SDE2: variants seen among roughly 807,000 people sequenced by gnomAD.
The protein encoded by SDE2 is splicing regulator SDE2.
A neutral mutation model predicts 46.9 loss-of-function variants in SDE2; 31 were observed. The observed-to-expected ratio is 0.66, with a 90% CI of 0.50 to 0.89. SDE2 has a LOEUF of 0.89. SDE2 is among the 40% of genes least tolerant of loss of function. SDE2 has a pLI of 0.00. For missense variants in SDE2, 542 were observed against 564.4 expected (o/e 0.96, Z 0.40); for synonymous variants, 205 against 204.3 (o/e 1.00, Z -0.03).
chr1:225,988,227 C>CT lies in SDE2; in HGVS notation c.802dup (p.Arg268LysfsTer21). 6.2e-7 allele frequency: 1 copy of CT among 1,614,210 alleles called. No individual in the cohort carries two copies. Among genetic ancestry groups the CT allele is most frequent in the Non-Finnish European group, 8.5e-7 (1 of 1,180,036 alleles). ...ATGGTCTGTATTCACTACTCTCGCC[C>CT]TCTGAGAACCACTGGGAAATTTGGC... On this transcript the variant is annotated frameshift_variant, in exon 6 of 7. Transcript: ENST00000272091. LOFTEE classifies it high-confidence loss of function.
At chr1:225,992,322 G>C in intron 4 of SDE2, 76 bp downstream of exon 4, 3 of 1,000,856 alleles carry the variant, frequency 3.0e-6, no homozygotes, top group South Asian at 3.2e-5. Flanking sequence ...ACTGCTCTTT[G>C]TGCGTAGTGT....
At chr1:225,996,622 C>T (rs1558085987) in intron 1 of SDE2, among the ~76,000 whole-genome samples, 1 of 152,168 alleles carries the variant, frequency 6.6e-6, no homozygotes, top group African/African-American at 2.4e-5. Context: ...TTTAGCACAA[C>T]CAGCCTAAGG....
chr1:225,984,967 T>C lies in SDE2; in HGVS notation c.*335A>G. On this transcript the variant is annotated 3_prime_UTR_variant, in exon 7 of 7. Transcript: ENST00000272091. The stretch of plus-strand genomic sequence containing the variant: ...TTAAAAGGGTAAGAAGGGACCATTA[T>C]AAATAACCTTATGTCTACAAATTTG... The C allele has an allele frequency of 1.5e-5, 4 of 275,418 alleles. No homozygotes were observed. In the South Asian group the frequency reaches 1.9e-4, roughly 13 times the overall value. 17.1% of individuals were successfully genotyped at this position (275,418 alleles called of 1,614,324 possible). A position where few individuals can be genotyped will look rare whatever the true frequency, so the allele number is the denominator to read the frequency against.
intron 4 of SDE2, among the ~76,000 whole-genome samples, chr1:225,991,706 T>C (rs547793389): frequency 1.1e-4 from 16 of 152,340 alleles, no homozygotes; most frequent in African/African-American, 3.1e-4. Context: ...TGCAAAAAGA[T>C]TGTTTCTTAT....
intron 4 of SDE2, 151 bp downstream of exon 4, chr1:225,992,247 G>A (rs891455631): frequency 5.5e-6 from 3 of 548,050 alleles, no homozygotes; most frequent in Non-Finnish European, 9.6e-6. Flanking sequence ...GTTCATTTTT[G>A]AGGATAAAAG....
chr1:225,994,259 T>C (rs1656469845), intron 2 of SDE2, among the ~76,000 whole-genome samples: 1 of 152,212 alleles, frequency 6.6e-6, no homozygotes, highest in Admixed American at 6.5e-5. Context: ...ATATCTCTAG[T>C]AGAGACGGGG....
At chr1:225,987,293 T>C (rs796308435) in intron 6 of SDE2, among the ~76,000 whole-genome samples, 18 of 152,320 alleles carry the variant, frequency 1.2e-4, no homozygotes, top group South Asian at 8.3e-4. Flanking sequence ...CCTCAGGTGA[T>C]CTGCCCACCT....
In SDE2 at chr1:225,995,411, CTT is replaced by C. The variant is rs775185254; in HGVS notation, c.121-30_121-29del. 4 of 1,129,424 alleles carry C rather than the reference CTT, an allele frequency of 3.5e-6. No homozygotes were observed. The African/African-American group carries it at 6.1e-5, about 17-fold the overall frequency. The allele number at this position is 1,129,424 out of a possible 1,614,324, so 70.0% of individuals were successfully genotyped here. The stretch of plus-strand genomic sequence containing the variant: ...AGAGACAAATTTGTTTTTTTAATGC[CTT>C]TTATGAGATAATAATCTAAGTTTGT... On this transcript the variant is annotated intron_variant, in intron 1 of 6. Coordinates refer to ENST00000272091, the MANE Select transcript of SDE2 (RefSeq NM_152608.4).
At chr1:225,998,065 T>C (rs1448427423) in intron 1 of SDE2, among the ~76,000 whole-genome samples, 1 of 151,854 alleles carries the variant, frequency 6.6e-6, no homozygotes, top group Non-Finnish European at 1.5e-5. Context: ...GAGGCGGAGG[T>C]TGCAGTGGGC....
intron 5 of SDE2, among the ~76,000 whole-genome samples, chr1:225,989,569 C>T (rs923797288): frequency 4.1e-5 from 6 of 147,862 alleles, no homozygotes; most frequent in Non-Finnish European, 8.9e-5. Flanking sequence ...GCAGAGGTTG[C>T]AGTAAGCCGA....
chr1:225,994,726 G>A (rs1365920934), intron 2 of SDE2, among the ~76,000 whole-genome samples: 1 of 152,140 alleles, frequency 6.6e-6, no homozygotes, highest in Non-Finnish European at 1.5e-5. Context: ...CAGAATAATG[G>A]CCATCTCTCT....
intron 1 of SDE2, 130 bp downstream of exon 1, chr1:225,999,063 G>C: frequency 1.4e-6 from 1 of 706,438 alleles, no homozygotes; most frequent in Non-Finnish European, 2.4e-6. Flanking sequence ...TAACACTGAG[G>C]AACTCTCAGC....
Position 225,985,202 on chromosome 1 carries a change from T to C in SDE2, c.*100A>G. 1 of 893,980 alleles carries C rather than the reference T, an allele frequency of 1.1e-6. No homozygotes were observed. The highest frequency in any genetic ancestry group is 2.2e-5 in the Admixed American group (1 of 44,564). 55.4% of individuals were successfully genotyped at this position (893,980 alleles called of 1,614,324 possible). A position where few individuals can be genotyped will look rare whatever the true frequency, so the allele number is the denominator to read the frequency against. ...TAGTTAGAATTGGGTTACTAAAAAG[T>C]TAGCTTTTAATATCAACAGGAATAC... On this transcript the variant is annotated 3_prime_UTR_variant, in exon 7 of 7. Coordinates refer to ENST00000272091, the MANE Select transcript of SDE2 (RefSeq NM_152608.4).
Position 225,984,975 on chromosome 1 carries a change from CT to C in SDE2, c.*326del, listed in dbSNP as rs1299681587. ...GTAAGAAGGGACCATTATAAATAAC[CT>C]TATGTCTACAAATTTGATAACCTGG... On this transcript the variant is annotated 3_prime_UTR_variant, in exon 7 of 7. Coordinates refer to ENST00000272091, the MANE Select transcript of SDE2 (RefSeq NM_152608.4). 1 of 292,738 alleles carries C rather than the reference CT, an allele frequency of 3.4e-6. No homozygotes were observed. The highest frequency in any genetic ancestry group is 6.4e-6 in the Non-Finnish European group (1 of 156,350). 18.1% of individuals were successfully genotyped at this position (292,738 alleles called of 1,614,324 possible).
intron 6 of SDE2, among the ~76,000 whole-genome samples, chr1:225,987,424 T>A (rs892262427): frequency 1.5e-4 from 23 of 152,174 alleles, no homozygotes; most frequent in Admixed American, 6.6e-4. Context: ...GAGGTTCCTC[T>A]TCTATAGAAG....
chr1:225,991,275 T>C lies in SDE2; in HGVS notation c.609A>G (p.Arg203=), dbSNP rs754840412. Residue 203 remains arginine, a synonymous_variant, in exon 5 of 7, where the codon AGA becomes AGG. Transcript: ENST00000272091. The part of the protein sequence containing the change: ...RQWPTKSQTD[R]GASAGKRRCF... ...ATCTCCTCTTTCCCGCACTGGCTCC[T>C]CTGTCTGTTTGAGATTTAGTAGGCC... The C allele has an allele frequency of 7.4e-6, 12 of 1,613,800 alleles. No individual in the cohort carries two copies. The highest frequency in any genetic ancestry group is 3.3e-4 in the Middle Eastern group (2 of 6,084).
In SDE2 at chr1:225,995,332, T is replaced by C. The variant is rs1490652630; in HGVS notation, c.172A>G (p.Thr58Ala). Reference protein sequence around the residue: ...FVKCNGALINTSDTVQHGAVY... With the variant: ...FVKCNGALINASDTVQHGAVY... ...GCTCCATGCTGCACTGTGTCACTGG[T>C]GTTAATGAGTGCTCCATTGCATTTC... is the stretch of plus-strand genomic sequence containing the variant. Residue 58 changes from threonine (T) to alanine (A), a missense_variant, in exon 2 of 7, where the codon ACC (threonine) becomes GCC (alanine). Thr to Ala is a moderately conservative substitution (Grantham distance 58). Around this residue, in one of 3 missense-constraint regions of SDE2, gnomAD observed 135 missense variants for 106.5 expected, o/e 1.27. Transcript: ENST00000272091. 1.2e-6 allele frequency: 2 copies of C among 1,613,112 alleles called. No homozygotes were observed. The highest frequency in any genetic ancestry group is 1.7e-6 in the Non-Finnish European group (2 of 1,179,200).
chr1:225,990,156 A>G (rs114105877), intron 5 of SDE2, among the ~76,000 whole-genome samples: 65 of 152,188 alleles, frequency 4.3e-4, no homozygotes, highest in African/African-American at 1.5e-3. Flanking sequence ...CCAAATGTCT[A>G]CCAAATGGAG....
intron 2 of SDE2, among the ~76,000 whole-genome samples, chr1:225,994,093 T>C (rs1656466178): frequency 6.6e-6 from 1 of 151,502 alleles, no homozygotes. Flanking sequence ...TTTTTTTTTT[T>C]TTTGAGAGAG....
Sources: allele counts gnomAD v4.1 joint callset (sites outside exome capture counted in the v4.1 genomes callset), GRCh38; gene constraint gnomAD v4.1.1; regional missense constraint gnomAD v4.1.1; transcripts MANE v1.5; gene names NCBI Gene and HGNC (gene_info 2026-07-23, HGNC 2026-07-21).